RUNDC3B: variants seen among roughly 807,000 people sequenced by gnomAD.
The protein encoded by RUNDC3B is RUN domain containing 3B.
Under a neutral mutation model 58.4 loss-of-function variants are expected in RUNDC3B, and 33 were observed. The ratio of observed to expected loss-of-function variants is 0.56; its 90% CI spans 0.43 to 0.75. RUNDC3B has a LOEUF of 0.75. Among genes scored for constraint, RUNDC3B ranks in the 30% least tolerant of loss-of-function variants. The probability of loss-of-function intolerance (pLI) is 0.00; values close to 1 mark genes in which losing one functional copy is unlikely to be tolerated. For synonymous variants in RUNDC3B, 193 were observed against 195.2 expected (o/e 0.99, Z 0.10); for missense variants, 501 against 535.7 (o/e 0.94, Z 0.64).
In RUNDC3B at chr7:87,826,112, G is replaced by T. The variant is rs571774423; in HGVS notation, c.1226-3773G>T. On this transcript the variant is annotated intron_variant, in intron 10 of 10. Coordinates refer to ENST00000394654, the MANE Select transcript of RUNDC3B (RefSeq NM_001134405.2). ...TGTTAGGACATGAGACTTGGGAGGG[G>T]CCAGGGGAAGAATGATATGGTTTGG... is the stretch of plus-strand genomic sequence containing the variant. Among the ~76,000 whole-genome samples the T allele has an allele frequency of 1.5e-3, 225 of 152,214 alleles. 5 individuals carry two copies. The highest frequency in any genetic ancestry group is 0.014 in the Admixed American group (221 of 15,274).
At chr7:87,743,101 G>A (rs1043581272) in intron 6 of RUNDC3B, among the ~76,000 whole-genome samples, 2 of 149,118 alleles carry the variant, frequency 1.3e-5, no homozygotes, top group Admixed American at 6.7e-5. Flanking sequence ...GTGACAGAGC[G>A]AGATTCCGTC....
chr7:87,728,931 C>A (rs1172332715), intron 4 of RUNDC3B, among the ~76,000 whole-genome samples: 1 of 152,084 alleles, frequency 6.6e-6, no homozygotes, highest in African/African-American at 2.4e-5. Context: ...AATAAACTTG[C>A]CTTCTTTCCT....
chr7:87,645,628 T>C (rs1284729015), intron 1 of RUNDC3B, among the ~76,000 whole-genome samples: 1 of 152,214 alleles, frequency 6.6e-6, no homozygotes, highest in Non-Finnish European at 1.5e-5. Flanking sequence ...AGGAAACAGA[T>C]GACTAATATT....
intron 10 of RUNDC3B, among the ~76,000 whole-genome samples, chr7:87,817,751 A>G (rs1837146893): frequency 6.6e-6 from 1 of 152,108 alleles, no homozygotes; most frequent in Non-Finnish European, 1.5e-5. Context: ...GCATTTTATT[A>G]TGATTCTTGT....
At chr7:87,689,975 G>T (rs1227923015) in intron 2 of RUNDC3B, among the ~76,000 whole-genome samples, 3 of 151,950 alleles carry the variant, frequency 2.0e-5, no homozygotes, top group African/African-American at 7.3e-5. Flanking sequence ...TTAAATAGCT[G>T]TCATAGATTT....
chr7:87,751,282 G>A (rs1832966328), intron 6 of RUNDC3B, among the ~76,000 whole-genome samples: 1 of 152,050 alleles, frequency 6.6e-6, no homozygotes, highest in Admixed American at 6.6e-5. Flanking sequence ...GGTTACTGTA[G>A]CCTTGTAGTA....
At chr7:87,797,257 T>C (rs1475271658) in intron 8 of RUNDC3B, among the ~76,000 whole-genome samples, 1 of 152,234 alleles carries the variant, frequency 6.6e-6, no homozygotes, top group East Asian at 1.9e-4. Context: ...TTCTCTTTAA[T>C]GTGGGTACTA....
At chr7:87,741,436 AAACTT>A (rs1356881988) in intron 5 of RUNDC3B, 58 bp from the exon 6 acceptor site, 2 of 954,506 alleles carry the variant, frequency 2.1e-6, no homozygotes, top group Non-Finnish European at 3.1e-6. Context: ...ATTTTTCATG[AAACTT>A]AACTTTGATT....
chr7:87,785,260 G>A (rs1469539879), intron 8 of RUNDC3B, among the ~76,000 whole-genome samples: 1 of 151,928 alleles, frequency 6.6e-6, no homozygotes, highest in Non-Finnish European at 1.5e-5. Flanking sequence ...GCTCCCTCAA[G>A]CAGAAGGTAC....
intron 8 of RUNDC3B, among the ~76,000 whole-genome samples, chr7:87,795,276 A>T (rs900302871): frequency 2.2e-4 from 34 of 152,202 alleles, no homozygotes; most frequent in African/African-American, 7.7e-4. Flanking sequence ...AAACAACTCA[A>T]TAGGAAAAAA....
At chr7:87,726,046 G>T (rs1402889730) in intron 4 of RUNDC3B, among the ~76,000 whole-genome samples, 1 of 151,784 alleles carries the variant, frequency 6.6e-6, no homozygotes, top group East Asian at 1.9e-4. Context: ...TAGGTTGCCT[G>T]TTCACTCTGA....
At chr7:87,777,483 A>G (rs1202544358) in intron 7 of RUNDC3B, among the ~76,000 whole-genome samples, 2 of 152,234 alleles carry the variant, frequency 1.3e-5, no homozygotes, top group Non-Finnish European at 2.9e-5. Context: ...CTAATTGGTC[A>G]TTCTGTTTTT....
chr7:87,760,230 G>C (rs1833603325), intron 6 of RUNDC3B, among the ~76,000 whole-genome samples: 1 of 151,864 alleles, frequency 6.6e-6, no homozygotes. Flanking sequence ...CAGTACTTCA[G>C]ATATAACTAG....
chr7:87,660,053 A>G (rs1289081398), intron 2 of RUNDC3B, among the ~76,000 whole-genome samples: 2 of 152,134 alleles, frequency 1.3e-5, no homozygotes, highest in African/African-American at 4.8e-5. Context: ...GTTTATGAGT[A>G]AAATTAGTCT....
At chr7:87,795,873 A>G (rs1029312689) in intron 8 of RUNDC3B, among the ~76,000 whole-genome samples, 4 of 152,160 alleles carry the variant, frequency 2.6e-5, no homozygotes, top group African/African-American at 9.7e-5. Context: ...CTGAGCGTCA[A>G]GAGTGAGACT....
intron 2 of RUNDC3B, among the ~76,000 whole-genome samples, chr7:87,661,805 T>G (rs147961748): frequency 5.3e-5 from 8 of 152,092 alleles, no homozygotes; most frequent in African/African-American, 1.9e-4. Context: ...AGTTTAATTT[T>G]AAGTTTTATG....
chr7:87,760,502 T>C (rs1388145386), intron 6 of RUNDC3B, among the ~76,000 whole-genome samples: 1 of 152,012 alleles, frequency 6.6e-6, no homozygotes, highest in Admixed American at 6.6e-5. Flanking sequence ...TTGTATGGAA[T>C]TGCAAGGGAC....
Position 87,739,835 on chromosome 7 carries a change from A to C in RUNDC3B, c.503A>C (p.Asn168Thr). 1 of 1,600,734 alleles carries C rather than the reference A, an allele frequency of 6.2e-7. No individual in the cohort carries two copies. The highest frequency in any genetic ancestry group is 1.1e-5 in the South Asian group (1 of 89,270). The stretch of plus-strand genomic sequence containing the variant: ...GCAATTGTCTTGGGTGAAGAAGCAA[A>C]TATGCTTGCTGGCATGCTTCTAGGA... ...DGAIVLGEEANMLAGMLLGLN... is the reference protein window; with the variant it reads ...DGAIVLGEEATMLAGMLLGLN... Residue 168 changes from asparagine (N) to threonine (T), a missense_variant, in exon 5 of 11, where the codon AAT becomes ACT. Physicochemically the swap from Asn to Thr is moderately conservative, Grantham distance 65. Coordinates refer to ENST00000394654, the MANE Select transcript of RUNDC3B (RefSeq NM_001134405.2).
chr7:87,687,040 A>T (rs1244258630), intron 2 of RUNDC3B, among the ~76,000 whole-genome samples: 1 of 152,178 alleles, frequency 6.6e-6, no homozygotes, highest in East Asian at 1.9e-4. Flanking sequence ...ATTAAAGAAA[A>T]AATGATTAAA....
Sources: allele counts gnomAD v4.1 joint callset (sites outside exome capture counted in the v4.1 genomes callset), GRCh38; gene constraint gnomAD v4.1.1; transcripts MANE v1.5; gene names NCBI Gene and HGNC (gene_info 2026-07-23, HGNC 2026-07-21).